PCDH9: variants seen among roughly 807,000 people sequenced by gnomAD.
The protein encoded by PCDH9 is protocadherin 9.
A neutral mutation model predicts 70.6 loss-of-function variants in PCDH9; 24 were observed. The observed-to-expected ratio is 0.34, with a 90% CI of 0.25 to 0.48. PCDH9 has a LOEUF of 0.48. Among genes scored for constraint, PCDH9 ranks in the 20% least tolerant of loss-of-function variants. PCDH9 has a pLI of 0.99. For missense variants in PCDH9, 1,281 were observed against 1,503.6 expected, an observed-to-expected ratio of 0.85 and a Z score of 2.45; for synonymous variants, 562 against 558.5, an observed-to-expected ratio of 1.01 and a Z score of -0.09.
chr13:66,975,148 G>A (rs1006877806), intron 2 of PCDH9, among the ~76,000 whole-genome samples: 1 of 151,994 alleles, frequency 6.6e-6, no homozygotes, highest in South Asian at 2.1e-4. Context: ...GTCTATCCTA[G>A]TGGAATTTAT....
chr13:66,654,982 T>C (rs2077908872), intron 3 of PCDH9, among the ~76,000 whole-genome samples: 1 of 152,124 alleles, frequency 6.6e-6, no homozygotes, highest in South Asian at 2.1e-4. Context: ...CACCTTGGCC[T>C]ACCAAAGTGC....
intron 3 of PCDH9, among the ~76,000 whole-genome samples, chr13:66,674,913 A>G (rs1034737035): frequency 1.3e-5 from 2 of 152,108 alleles, no homozygotes; most frequent in Non-Finnish European, 2.9e-5. Context: ...AAAGAGAACT[A>G]CCATTAAATT....
At chr13:66,403,366 G>A (rs570705049) in intron 4 of PCDH9, among the ~76,000 whole-genome samples, 1 of 151,800 alleles carries the variant, frequency 6.6e-6, no homozygotes, top group Non-Finnish European at 1.5e-5. Context: ...AGGCTGGTCT[G>A]GAACTCATGG....
chr13:67,110,093 T>A (rs1172210512), intron 2 of PCDH9, among the ~76,000 whole-genome samples: 1 of 151,854 alleles, frequency 6.6e-6, no homozygotes, highest in Non-Finnish European at 1.5e-5. Context: ...ATCAATAGAC[T>A]GACAAAGGAA....
intron 2 of PCDH9, among the ~76,000 whole-genome samples, chr13:66,955,911 G>C (rs1442124359): frequency 1.3e-5 from 2 of 152,058 alleles, no homozygotes; most frequent in Non-Finnish European, 2.9e-5. Context: ...GGCCAATATG[G>C]TGAAACCCCG....
chr13:66,713,126 G>A (rs756835878), intron 3 of PCDH9, among the ~76,000 whole-genome samples: 2 of 152,050 alleles, frequency 1.3e-5, no homozygotes, highest in African/African-American at 2.4e-5. Context: ...TAAAAACTGC[G>A]TGATCACTCC....
chr13:66,421,084 C>A (rs1957558651), intron 4 of PCDH9, among the ~76,000 whole-genome samples: 1 of 150,334 alleles, frequency 6.7e-6, no homozygotes. Context: ...ATATCAGAGA[C>A]TGAAGATTAA....
At chr13:66,627,786 A>G (rs2077517842) in intron 4 of PCDH9, among the ~76,000 whole-genome samples, 1 of 152,104 alleles carries the variant, frequency 6.6e-6, no homozygotes, top group Admixed American at 6.5e-5. Flanking sequence ...ATGTGACTAG[A>G]TTGGTAAAAA....
chr13:66,968,748 CTTCT>C (rs1437239062), intron 2 of PCDH9, among the ~76,000 whole-genome samples: 3 of 151,972 alleles, frequency 2.0e-5, no homozygotes, highest in East Asian at 1.9e-4. Flanking sequence ...CAGAAACCTC[CTTCT>C]AAGATGATAT....
intron 2 of PCDH9, chr13:67,207,972 A>G (rs1036704308): frequency 2.6e-5 from 4 of 152,186 alleles, no homozygotes; most frequent in African/African-American, 9.7e-5. Context: ...AGCACAGTCT[A>G]TACCAGTTTA....
chr13:66,545,564 T>C (rs1393430496), intron 4 of PCDH9, among the ~76,000 whole-genome samples: 1 of 152,172 alleles, frequency 6.6e-6, no homozygotes, highest in African/African-American at 2.4e-5. Flanking sequence ...TCTATAACTA[T>C]GGTCTCATAA....
chr13:67,027,444 A>C (rs947008284), intron 2 of PCDH9, among the ~76,000 whole-genome samples: 1 of 152,252 alleles, frequency 6.6e-6, no homozygotes, highest in African/African-American at 2.4e-5. Flanking sequence ...CTTGAACGTT[A>C]GACCTAAAAC....
chr13:67,089,728 C>A (rs2086178790), intron 2 of PCDH9, among the ~76,000 whole-genome samples: 1 of 151,932 alleles, frequency 6.6e-6, no homozygotes, highest in Admixed American at 6.6e-5. Flanking sequence ...AATAGTCAAT[C>A]CTCTAGAACA....
chr13:66,882,819 C>T (rs2081943491), intron 3 of PCDH9, among the ~76,000 whole-genome samples: 1 of 152,120 alleles, frequency 6.6e-6, no homozygotes, highest in African/African-American at 2.4e-5. Context: ...AAACTGTCAT[C>T]CACAAAATAC....
Position 66,456,648 on chromosome 13 carries a change from T to C in PCDH9, c.3341-151620A>G, listed in dbSNP as rs550423594. On this transcript the variant is annotated intron_variant, in intron 4 of 4. Coordinates refer to ENST00000377865, the MANE Select transcript of PCDH9 (RefSeq NM_203487.3). The stretch of plus-strand genomic sequence containing the variant: ...TTTCATTTCCCCTATGATAAGACTG[T>C]AGCATTCCAATTCTTGTGCTTTCTC... Among the ~76,000 whole-genome samples the C allele has an allele frequency of 5.9e-5, 9 of 152,292 alleles. No individual in the cohort carries two copies. In the East Asian group the frequency reaches 1.7e-3, roughly 29 times the overall value.
intron 3 of PCDH9, among the ~76,000 whole-genome samples, chr13:66,897,643 A>T (rs978539089): frequency 2.0e-4 from 30 of 152,154 alleles, no homozygotes; most frequent in African/African-American, 6.8e-4. Flanking sequence ...TGTATTATAC[A>T]TAGGCATTAG....
At chr13:66,855,872 T>G (rs1196488407) in intron 3 of PCDH9, among the ~76,000 whole-genome samples, 1 of 151,956 alleles carries the variant, frequency 6.6e-6, no homozygotes, top group Non-Finnish European at 1.5e-5. Context: ...TGAGACATTT[T>G]TATCATGGAT....
At chr13:66,993,512 T>C (rs558696837) in intron 2 of PCDH9, among the ~76,000 whole-genome samples, 1 of 152,268 alleles carries the variant, frequency 6.6e-6, no homozygotes, top group South Asian at 2.1e-4. Context: ...GAGGCTGAAT[T>C]AGTGGACCTC....
At chr13:66,946,210 A>G (rs899176575) in intron 2 of PCDH9, among the ~76,000 whole-genome samples, 7 of 152,280 alleles carry the variant, frequency 4.6e-5, no homozygotes, top group Admixed American at 4.6e-4. Flanking sequence ...ATAAAAAGTT[A>G]TAAAATCCTA....
Sources: allele counts gnomAD v4.1 joint callset (sites outside exome capture counted in the v4.1 genomes callset), GRCh38; gene constraint gnomAD v4.1.1; transcripts MANE v1.5; gene names NCBI Gene and HGNC (gene_info 2026-07-23, HGNC 2026-07-21).